PRELID2: variants seen among roughly 807,000 people sequenced by gnomAD.
PRELID2 encodes PRELI domain-containing protein 2.
A neutral mutation model predicts 28.4 loss-of-function variants in PRELID2; 25 were observed. The observed-to-expected ratio is 0.88, with a 90% CI of 0.64 to 1.23. PRELID2 has a LOEUF of 1.23. PRELID2 is among the 50% of genes most tolerant of loss of function. The probability of loss-of-function intolerance (pLI) is 0.00; values close to 1 mark genes in which losing one functional copy is unlikely to be tolerated. For missense variants in PRELID2, 201 were observed against 214.4 expected (o/e 0.94, Z 0.39); for synonymous variants, 76 against 71.6 (o/e 1.06, Z -0.31).
the PRELID2 span, among the ~76,000 whole-genome samples, chr5:145,447,233 A>G: frequency 6.6e-6 from 1 of 151,846 alleles, no homozygotes; most frequent in East Asian, 1.9e-4. Flanking sequence ...ATGAGGTTGA[A>G]AGATGTTTTT....
the PRELID2 span, among the ~76,000 whole-genome samples, chr5:145,392,400 A>G: frequency 6.6e-6 from 1 of 152,154 alleles, no homozygotes; most frequent in African/African-American, 2.4e-5. Flanking sequence ...GCATGAGAGT[A>G]ACCACCTCCA....
intron 4 of PRELID2, among the ~76,000 whole-genome samples, chr5:145,817,059 C>T (rs1219960158): frequency 6.6e-6 from 1 of 150,894 alleles, no homozygotes; most frequent in Non-Finnish European, 1.5e-5. Context: ...TCTCCTGAGG[C>T]ACATGCCTGT....
the PRELID2 span, among the ~76,000 whole-genome samples, chr5:145,373,393 T>C: frequency 5.5e-4 from 44 of 80,038 alleles, 2 homozygotes; most frequent in South Asian, 0.018. Context: ...ATATAATATA[T>C]ATGATATTAT....
chr5:145,796,634 C>T, intron 4 of PRELID2, 87 bp from the exon 5 acceptor site: 1 of 653,614 alleles, frequency 1.5e-6, no homozygotes, highest in Non-Finnish European at 2.5e-6. Flanking sequence ...ATAATTACCA[C>T]TTATAATCAA....
At chr5:145,826,646 T>C (rs1755213742) in intron 1 of PRELID2, among the ~76,000 whole-genome samples, 1 of 152,304 alleles carries the variant, frequency 6.6e-6, no homozygotes. Context: ...TAGACGTGCC[T>C]AAAGCTGTTG....
At chr5:145,481,304 T>C (rs946221837) in intron 1 of PRELID2, among the ~76,000 whole-genome samples, 19 of 152,126 alleles carry the variant, frequency 1.2e-4, no homozygotes, top group African/African-American at 3.9e-4. Flanking sequence ...TAACTTTTAA[T>C]TCTTAACTCC....
At chr5:145,735,262 G>C (rs1474903179) in intron 1 of PRELID2, among the ~76,000 whole-genome samples, 2 of 143,406 alleles carry the variant, frequency 1.4e-5, no homozygotes, top group South Asian at 2.2e-4. Context: ...AAAAAAAAAA[G>C]CTACAATTAG....
chr5:145,778,723 G>C (rs889641334), intron 5 of PRELID2, among the ~76,000 whole-genome samples: 1 of 152,152 alleles, frequency 6.6e-6, no homozygotes, highest in African/African-American at 2.4e-5. Context: ...ACCCCTCGCT[G>C]CTCCACGCCT....
intron 1 of PRELID2, among the ~76,000 whole-genome samples, chr5:145,672,405 C>T (rs958219735): frequency 4.0e-5 from 6 of 151,208 alleles, no homozygotes; most frequent in South Asian, 2.1e-4. Context: ...TGCCGGCATT[C>T]GCAAAAAGGA....
At chr5:145,535,131 A>G (rs1653959091) in intron 1 of PRELID2, among the ~76,000 whole-genome samples, 1 of 151,912 alleles carries the variant, frequency 6.6e-6, no homozygotes, top group South Asian at 2.1e-4. Context: ...CCCCCTATGT[A>G]TCTCCTTTAG....
chr5:145,683,968 C>T (rs1001416571), intron 1 of PRELID2, among the ~76,000 whole-genome samples: 1 of 152,022 alleles, frequency 6.6e-6, no homozygotes, highest in African/African-American at 2.4e-5. Flanking sequence ...GTAAGCAGAG[C>T]GACACAAAGT....
chr5:145,233,339 G>A, the PRELID2 span, among the ~76,000 whole-genome samples: 73 of 151,952 alleles, frequency 4.8e-4, no homozygotes, highest in Admixed American at 7.2e-4. Flanking sequence ...TAGTATTCCA[G>A]GTAGGAATTC....
chr5:145,665,939 C>A (rs1754580706), intron 1 of PRELID2, among the ~76,000 whole-genome samples: 2 of 143,648 alleles, frequency 1.4e-5, no homozygotes, highest in Non-Finnish European at 3.0e-5. Flanking sequence ...GTAATAGAAA[C>A]CAATTCAAAC....
chr5:145,829,597 G>A (rs1755448764), intron 1 of PRELID2, among the ~76,000 whole-genome samples: 1 of 152,164 alleles, frequency 6.6e-6, no homozygotes, highest in South Asian at 2.1e-4. Context: ...TCGAGGCACA[G>A]AAAAATGAAC....
chr5:145,269,240 C>T, the PRELID2 span, among the ~76,000 whole-genome samples: 14 of 152,028 alleles, frequency 9.2e-5, no homozygotes, highest in Admixed American at 7.2e-4. Flanking sequence ...ATAAGACATG[C>T]GGAGATTTAC....
the PRELID2 span, among the ~76,000 whole-genome samples, chr5:145,410,337 T>C: frequency 1.3e-5 from 2 of 152,336 alleles, no homozygotes; most frequent in Middle Eastern, 3.4e-3. Context: ...ATAAAGCTTC[T>C]GCACAGCAAA....
chr5:145,692,194 A>G (rs993383159), intron 1 of PRELID2, among the ~76,000 whole-genome samples: 1 of 152,186 alleles, frequency 6.6e-6, no homozygotes. Flanking sequence ...CGGCATTTAT[A>G]ACAGTGCTGA....
At chr5:145,790,740 T>TATAC (rs1752325536) in intron 5 of PRELID2, among the ~76,000 whole-genome samples, 2 of 146,942 alleles carry the variant, frequency 1.4e-5, no homozygotes, top group South Asian at 4.2e-4. Context: ...TATATATATA[T>TATAC]ATATATCAAA....
At chr5:145,573,753 T>G (rs1269056128) in intron 1 of PRELID2, among the ~76,000 whole-genome samples, 1 of 152,210 alleles carries the variant, frequency 6.6e-6, no homozygotes, top group Non-Finnish European at 1.5e-5. Context: ...CTATCACTGA[T>G]GGGCATTTTG....
Sources: allele counts gnomAD v4.1 joint callset (sites outside exome capture counted in the v4.1 genomes callset), GRCh38; gene constraint gnomAD v4.1.1; transcripts MANE v1.5; gene names NCBI Gene and HGNC (gene_info 2026-07-23, HGNC 2026-07-21).